TFDP2: variants seen among roughly 807,000 people sequenced by gnomAD.
TFDP2 encodes transcription factor Dp-2, also known as transcription factor Dp-2 (E2F dimerization partner 2).
In TFDP2, 17 loss-of-function variants were observed where a neutral mutation model predicts 59.3. That is an observed-to-expected ratio of 0.29 (90% CI 0.20 to 0.43). The LOEUF is 0.43. Ranked by LOEUF, TFDP2 falls within the 20% of genes least tolerant of loss-of-function variation. The probability of loss-of-function intolerance (pLI) is 1.00; values close to 1 mark genes in which losing one functional copy is unlikely to be tolerated. For synonymous variants in TFDP2, 180 were observed against 194.7 expected (o/e 0.92, Z 0.63); for missense variants, 391 against 528.8 (o/e 0.74, Z 2.56).
rs1198773053 is a variant in TFDP2 at position 142,006,162 on chromosome 3, T to C, written c.83-618A>G. On this transcript the variant is annotated intron_variant, in intron 3 of 12. Transcript: ENST00000489671. Reference sequence around the variant, plus strand: ...CAGTATTTTAAATTTCAAATTAACATAGCAAACTGCTACCAAGAAAATTCC... The same window carrying C: ...CAGTATTTTAAATTTCAAATTAACACAGCAAACTGCTACCAAGAAAATTCC... 3.3e-5 allele frequency among the ~76,000 whole-genome samples: 5 copies of C among 152,170 alleles called. 1 individual carries two copies. Among genetic ancestry groups the C allele is most frequent in the African/African-American group, 1.2e-4 (5 of 41,446 alleles).
chr3:142,052,544 G>GA (rs1245578353), intron 3 of TFDP2, among the ~76,000 whole-genome samples: 66 of 143,260 alleles, frequency 4.6e-4, no homozygotes, highest in Middle Eastern at 3.5e-3. Context: ...CTGTCTCAAA[G>GA]AAAAAAAAAA....
intron 6 of TFDP2, among the ~76,000 whole-genome samples, chr3:141,985,266 A>G (rs1941957429): frequency 6.6e-6 from 1 of 152,114 alleles, no homozygotes; most frequent in Non-Finnish European, 1.5e-5. Context: ...CAGTGGCTCA[A>G]GTCTATAATC....
At chr3:142,007,913 G>T (rs765538484) in intron 3 of TFDP2, among the ~76,000 whole-genome samples, 3 of 152,160 alleles carry the variant, frequency 2.0e-5, no homozygotes, top group Non-Finnish European at 4.4e-5. Context: ...TCACTGGCTT[G>T]CCTGCCTGCC....
chr3:142,013,255 T>G (rs1386576931), intron 3 of TFDP2, among the ~76,000 whole-genome samples: 8 of 152,162 alleles, frequency 5.3e-5, no homozygotes, highest in Admixed American at 4.6e-4. Flanking sequence ...TTATAAGTAG[T>G]AAAAATGAAA....
chr3:141,963,448 T>C (rs1343409571), intron 10 of TFDP2, among the ~76,000 whole-genome samples: 1 of 152,244 alleles, frequency 6.6e-6, no homozygotes, highest in East Asian at 1.9e-4. Flanking sequence ...TAATAAACTA[T>C]GACGGTGAAT....
intron 6 of TFDP2, among the ~76,000 whole-genome samples, chr3:141,983,577 G>T (rs1388499746): frequency 6.6e-6 from 1 of 150,528 alleles, no homozygotes; most frequent in Non-Finnish European, 1.5e-5. Flanking sequence ...GGCAAAGGTT[G>T]CAGTTCACGC....
chr3:142,119,724 A>G (rs943033729), intron 1 of TFDP2, among the ~76,000 whole-genome samples: 1 of 152,090 alleles, frequency 6.6e-6, no homozygotes, highest in Non-Finnish European at 1.5e-5. Flanking sequence ...CTGTGCTCCA[A>G]CCTGGGCAAT....
chr3:142,086,940 G>C (rs1407477479), intron 3 of TFDP2, among the ~76,000 whole-genome samples: 1 of 152,196 alleles, frequency 6.6e-6, no homozygotes, highest in Non-Finnish European at 1.5e-5. Flanking sequence ...CTCTGTATCA[G>C]ATGCTCCTAC....
chr3:142,040,556 T>C (rs992372655), intron 3 of TFDP2, among the ~76,000 whole-genome samples: 3 of 152,082 alleles, frequency 2.0e-5, no homozygotes, highest in Non-Finnish European at 4.4e-5. Context: ...GCTTCCCGAG[T>C]AGCTGGGATT....
chr3:142,136,235 C>T (rs2062732922), intron 1 of TFDP2, among the ~76,000 whole-genome samples: 2 of 152,016 alleles, frequency 1.3e-5, no homozygotes, highest in Non-Finnish European at 2.9e-5. Context: ...CCTTTGCCCA[C>T]TTTTTGATAG....
At chr3:142,081,400 G>A (rs1038758007) in intron 3 of TFDP2, among the ~76,000 whole-genome samples, 1 of 151,934 alleles carries the variant, frequency 6.6e-6, no homozygotes, top group African/African-American at 2.4e-5. Flanking sequence ...ACTTCAAATA[G>A]ATAACCTAAT....
chr3:142,096,270 T>C (rs779228631), intron 2 of TFDP2, among the ~76,000 whole-genome samples: 13 of 152,210 alleles, frequency 8.5e-5, no homozygotes, highest in Non-Finnish European at 1.6e-4. Context: ...TCAAAATATG[T>C]ATTAATTTCT....
intron 1 of TFDP2, among the ~76,000 whole-genome samples, chr3:142,115,144 T>A (rs560041176): frequency 6.2e-4 from 95 of 152,222 alleles, no homozygotes; most frequent in Non-Finnish European, 1.1e-3. Flanking sequence ...TGTTCTTATA[T>A]ATATTCTTTT....
Position 141,963,800 on chromosome 3 carries a change from T to TCCC in TFDP2, c.884+11_884+12insGGG. ...AGGCCAGCCCTGCACCCATCCCTAGTTCTCCACTCACTTGTCACTGGAGAT... is the reference window on the plus strand; with the variant it reads ...AGGCCAGCCCTGCACCCATCCCTAGTCCCTCTCCACTCACTTGTCACTGGAGAT... On this transcript the variant is annotated intron_variant, in intron 10 of 12. Transcript: ENST00000489671. The TCCC allele has an allele frequency of 6.2e-7, 1 of 1,609,584 alleles. No individual in the cohort carries two copies. Among genetic ancestry groups the TCCC allele is most frequent in the Non-Finnish European group, 8.5e-7 (1 of 1,178,266 alleles).
chr3:142,101,372 A>AAAT (rs1284967573), intron 2 of TFDP2, among the ~76,000 whole-genome samples: 4 of 152,078 alleles, frequency 2.6e-5, no homozygotes, highest in Middle Eastern at 3.4e-3. Context: ...AAAAAAAAAA[A>AAAT]AATAAGCCAA....
intron 1 of TFDP2, among the ~76,000 whole-genome samples, chr3:142,113,651 A>G (rs570572847): frequency 3.0e-4 from 45 of 152,292 alleles, no homozygotes; most frequent in Non-Finnish European, 4.4e-4. Flanking sequence ...GTTCAATCTG[A>G]GTCATTAAAA....
intron 4 of TFDP2, among the ~76,000 whole-genome samples, chr3:141,999,796 C>T (rs552637668): frequency 2.7e-5 from 4 of 149,416 alleles, no homozygotes; most frequent in East Asian, 2.0e-4. Flanking sequence ...AGTGCAGTGG[C>T]GTGATCTCAG....
At chr3:142,100,530 G>A (rs552731619) in intron 2 of TFDP2, among the ~76,000 whole-genome samples, 6 of 152,234 alleles carry the variant, frequency 3.9e-5, no homozygotes, top group South Asian at 2.1e-4. Flanking sequence ...CTGTCACCGC[G>A]CCTGGCTACT....
chr3:141,993,387 G>C (rs564569481), intron 6 of TFDP2, 151 bp downstream of exon 6: 1 of 499,720 alleles, frequency 2.0e-6, no homozygotes, highest in East Asian at 3.3e-5. Context: ...AGTGAACTGG[G>C]GCACTCAATG....
Sources: gnomAD v4.1 joint callset for allele counts (sites outside exome capture counted in the v4.1 genomes callset) on GRCh38, gnomAD v4.1.1 for gene constraint, MANE v1.5 for transcripts, NCBI Gene and HGNC (gene_info 2026-07-23, HGNC 2026-07-21) for gene names.